ASAP1: variants seen among roughly 807,000 people sequenced by gnomAD.
The protein encoded by ASAP1 is ArfGAP with SH3 domain, ankyrin repeat and PH domain 1.
Under a neutral mutation model 145.2 loss-of-function variants are expected in ASAP1, and 43 were observed. The observed-to-expected ratio is 0.30, with a 90% CI of 0.23 to 0.38. The LOEUF (loss-of-function observed/expected upper bound fraction) is 0.38, where lower values mean the gene tolerates loss of function less well. Among genes scored for constraint, ASAP1 ranks in the 10% least tolerant of loss-of-function variants. ASAP1 has a pLI of 1.00. For missense variants in ASAP1, 1,018 were observed against 1,355.3 expected (o/e 0.75, Z 3.91); for synonymous variants, 546 against 515.5 (o/e 1.06, Z -0.80).
intron 27 of ASAP1, among the ~76,000 whole-genome samples, chr8:130,072,806 T>TGTGCGCGCGC: frequency 2.8e-5 from 1 of 35,194 alleles, no homozygotes; most frequent in African/African-American, 1.1e-4. Flanking sequence ...TGTGTGTGTG[T>TGTGCGCGCGC]GTGTGTGTGT....
chr8:130,406,987 T>C (rs1394346584), intron 1 of ASAP1, among the ~76,000 whole-genome samples: 1 of 152,326 alleles, frequency 6.6e-6, no homozygotes, highest in Middle Eastern at 3.4e-3. Flanking sequence ...AATCTGTCCA[T>C]TTCTGAACTC....
intron 4 of ASAP1, among the ~76,000 whole-genome samples, chr8:130,235,871 T>C (rs1446068276): frequency 6.6e-6 from 1 of 152,166 alleles, no homozygotes; most frequent in African/African-American, 2.4e-5. Flanking sequence ...TTCAGCTCAA[T>C]AATTTCATGA....
chr8:130,089,837 A>T (rs1013810192), intron 25 of ASAP1, among the ~76,000 whole-genome samples: 10 of 152,196 alleles, frequency 6.6e-5, no homozygotes, highest in East Asian at 5.8e-4. Flanking sequence ...ATCAAAATTT[A>T]AAAAAAAATT....
At chr8:130,277,780 T>G (rs1415257166) in intron 3 of ASAP1, among the ~76,000 whole-genome samples, 1 of 152,166 alleles carries the variant, frequency 6.6e-6, no homozygotes, top group East Asian at 1.9e-4. Flanking sequence ...GTCCCCAGAT[T>G]ACATAAATGT....
intron 13 of ASAP1, among the ~76,000 whole-genome samples, chr8:130,151,165 G>C (rs1413177267): frequency 2.0e-5 from 3 of 151,938 alleles, no homozygotes; most frequent in Admixed American, 6.6e-5. Flanking sequence ...AAGGTCAGGA[G>C]TTTGAGACCA....
At chr8:130,357,980 G>A (rs1375331283) in intron 3 of ASAP1, 37 bp downstream of exon 3, 4 of 1,581,100 alleles carry the variant, frequency 2.5e-6, no homozygotes, top group Middle Eastern at 1.7e-4. Context: ...CGGCGGCAGC[G>A]GCGAGCGTGG....
chr8:130,142,944 G>A (rs1015036267), intron 13 of ASAP1, among the ~76,000 whole-genome samples: 3 of 152,152 alleles, frequency 2.0e-5, no homozygotes, highest in Non-Finnish European at 2.9e-5. Flanking sequence ...AGGAAGATGA[G>A]CAATGAAATG....
intron 15 of ASAP1, among the ~76,000 whole-genome samples, chr8:130,130,781 C>A (rs1396337479): frequency 6.6e-6 from 1 of 152,074 alleles, no homozygotes; most frequent in Admixed American, 6.6e-5. Flanking sequence ...CCATAGTGCA[C>A]GTATGTAGTC....
At chr8:130,375,956 A>G (rs1340184388) in intron 2 of ASAP1, among the ~76,000 whole-genome samples, 2 of 152,182 alleles carry the variant, frequency 1.3e-5, no homozygotes, top group African/African-American at 4.8e-5. Context: ...AGTAGTGGGG[A>G]AGGCGGGGAG....
intron 3 of ASAP1, among the ~76,000 whole-genome samples, chr8:130,242,273 A>C (rs1359588677): frequency 9.7e-5 from 14 of 144,688 alleles, no homozygotes; most frequent in Middle Eastern, 6.9e-3. Flanking sequence ...AAAAAAAAAA[A>C]AAAAAAAAAA....
chr8:130,382,492 CCAAACTCA>C (rs1442173302), intron 2 of ASAP1, among the ~76,000 whole-genome samples: 2 of 152,148 alleles, frequency 1.3e-5, no homozygotes, highest in East Asian at 3.8e-4. Flanking sequence ...GGAGGAAGGA[CCAAACTCA>C]CTCTGACACA....
chr8:130,356,681 T>A (rs1826330610), intron 3 of ASAP1, among the ~76,000 whole-genome samples: 1 of 152,230 alleles, frequency 6.6e-6, no homozygotes, highest in African/African-American at 2.4e-5. Context: ...TATGCCGGAA[T>A]GACACATTCA....
intron 12 of ASAP1, among the ~76,000 whole-genome samples, chr8:130,156,541 A>G (rs2097658536): frequency 6.6e-6 from 1 of 152,244 alleles, no homozygotes; most frequent in African/African-American, 2.4e-5. Flanking sequence ...TGGAATGAGT[A>G]CATGAAGGAA....
intron 4 of ASAP1, among the ~76,000 whole-genome samples, chr8:130,230,209 C>A (rs1377937980): frequency 6.6e-6 from 1 of 152,122 alleles, no homozygotes; most frequent in Non-Finnish European, 1.5e-5. Flanking sequence ...AAGCACACAT[C>A]ATTAAAAAAT....
intron 3 of ASAP1, chr8:130,246,986 A>G (rs769832208): frequency 2.6e-5 from 4 of 152,220 alleles, no homozygotes; most frequent in Non-Finnish European, 4.4e-5. Context: ...TGGAAGAAAC[A>G]TAGCCTATCA....
intron 3 of ASAP1, among the ~76,000 whole-genome samples, chr8:130,292,174 A>G (rs2137311936): frequency 6.6e-6 from 1 of 152,352 alleles, no homozygotes; most frequent in Non-Finnish European, 1.5e-5. Context: ...AGAAAGGCAA[A>G]AAACAAAGTC....
In ASAP1 at chr8:130,072,821, G is replaced by GCGCGCA. The variant is rs1564927941; in HGVS notation, c.2701+3526_2701+3527insTGCGCG. On this transcript the variant is annotated intron_variant, in intron 27 of 29. Transcript: ENST00000518721. ...TGTGTGTGTGTGTGTGTGTGTGTGT[G>GCGCGCA]TGTGCGCGCGGGGGGGGGCAGTTTT... is the stretch of plus-strand genomic sequence containing the variant. Among the ~76,000 whole-genome samples the GCGCGCA allele has an allele frequency of 7.1e-5, 5 of 70,902 alleles. 1 individual carries two copies. The highest frequency in any genetic ancestry group is 3.2e-4 in the African/African-American group (5 of 15,540). 46.5% of individuals were successfully genotyped at this position (70,902 alleles called of 152,430 possible). A position where few individuals can be genotyped will look rare whatever the true frequency, so the allele number is the denominator to read the frequency against.
chr8:130,072,817 G>A, intron 27 of ASAP1, among the ~76,000 whole-genome samples: 1 of 67,850 alleles, frequency 1.5e-5, no homozygotes, highest in Non-Finnish European at 2.9e-5. Flanking sequence ...GTGTGTGTGT[G>A]TGTGTGTGCG....
At chr8:130,267,146 C>T (rs980174596) in intron 3 of ASAP1, among the ~76,000 whole-genome samples, 4 of 144,570 alleles carry the variant, frequency 2.8e-5, no homozygotes, top group African/African-American at 1.0e-4. Flanking sequence ...AAACAAAAAA[C>T]AAAACAAAAA....
Sources: gnomAD v4.1 joint callset for allele counts (sites outside exome capture counted in the v4.1 genomes callset) on GRCh38, gnomAD v4.1.1 for gene constraint, MANE v1.5 for transcripts, NCBI Gene and HGNC (gene_info 2026-07-23, HGNC 2026-07-21) for gene names.